Variants in RASA3 observed in about 807,000 individuals in gnomAD.
RASA3 encodes RAS p21 protein activator 3.
Under a neutral mutation model 110.0 loss-of-function variants are expected in RASA3, and 73 were observed. That is an observed-to-expected ratio of 0.66 (90% confidence interval 0.55 to 0.81). The LOEUF is 0.81. Ranked by LOEUF, RASA3 falls within the 30% of genes least tolerant of loss-of-function variation. RASA3 has a pLI of 0.00. For synonymous variants in RASA3, 500 were observed against 451.4 expected (o/e 1.11, Z -1.37); for missense variants, 976 against 1,113.2 (o/e 0.88, Z 1.75).
chr13:114,040,962 C>T, intron 4 of RASA3, 38 bp downstream of exon 4: 1 of 1,602,614 alleles, frequency 6.2e-7, no homozygotes, highest in East Asian at 2.2e-5. Flanking sequence ...CATGGTGTCC[C>T]AGGGCTCTGG....
intron 1 of RASA3, among the ~76,000 whole-genome samples, chr13:114,108,439 A>G (rs894764691): frequency 4.5e-5 from 1 of 22,396 alleles, no homozygotes; most frequent in Non-Finnish European, 8.0e-5. Flanking sequence ...TCCCCCATCC[A>G]TCACCCCCCG....
At chr13:114,052,992 T>TTG (rs1566531331) in intron 2 of RASA3, among the ~76,000 whole-genome samples, 1 of 133,608 alleles carries the variant, frequency 7.5e-6, no homozygotes, top group African/African-American at 3.0e-5. Context: ...CGTAGAGTCC[T>TTG]CGCTCCTGGG....
At chr13:114,018,034 C>T in intron 11 of RASA3, 70 bp downstream of exon 11, 1 of 1,416,482 alleles carries the variant, frequency 7.1e-7, no homozygotes, top group South Asian at 1.6e-5. Context: ...ACACGTGGTT[C>T]TCGGCGACGA....
intron 1 of RASA3, among the ~76,000 whole-genome samples, chr13:114,089,224 C>A (rs2079858734): frequency 6.7e-6 from 1 of 149,978 alleles, no homozygotes; most frequent in Non-Finnish European, 1.5e-5. Context: ...AAATAAGAGA[C>A]CAAGATGGCA....
chr13:114,044,609 C>CCT (rs2079022506), intron 3 of RASA3, among the ~76,000 whole-genome samples: 1 of 140,858 alleles, frequency 7.1e-6, no homozygotes, highest in South Asian at 2.5e-4. Context: ...TCTGTCCTCT[C>CCT]CTCTGACGAC....
chr13:114,114,169 C>G lies in RASA3; in HGVS notation c.55+18266G>C, dbSNP rs2080250799. The stretch of plus-strand genomic sequence containing the variant: ...CACCATGTCCATCAATCCACCCCAC[C>G]ACGGTGAGCGTCTGCGATGTCCGTG... On this transcript the variant is annotated intron_variant, in intron 1 of 23. Transcript: ENST00000334062. The surrounding 1 kb of genome is among the most constrained non-coding windows in gnomAD (Gnocchi z 4.8). Among the ~76,000 whole-genome samples, 1 of 152,218 alleles carries G rather than the reference C, an allele frequency of 6.6e-6. No individual in the cohort carries two copies. Among genetic ancestry groups the G allele is most frequent in the Admixed American group, 6.5e-5 (1 of 15,290 alleles).
chr13:114,079,859 G>A (rs1429382690), intron 1 of RASA3, among the ~76,000 whole-genome samples: 1 of 152,094 alleles, frequency 6.6e-6, no homozygotes, highest in Non-Finnish European at 1.5e-5. Context: ...CCCTCCGTGG[G>A]ACGAGGCTGC....
chr13:114,016,887 C>T (rs936337906), intron 12 of RASA3, among the ~76,000 whole-genome samples: 3 of 152,066 alleles, frequency 2.0e-5, no homozygotes, highest in Admixed American at 6.5e-5. Flanking sequence ...GAGGACTGGG[C>T]GTGCAGCTCA....
intron 1 of RASA3, among the ~76,000 whole-genome samples, chr13:114,128,888 C>T (rs1259716128): frequency 6.6e-6 from 1 of 152,046 alleles, no homozygotes; most frequent in African/African-American, 2.4e-5. Flanking sequence ...AGGGTCACCG[C>T]GGTGCGAGAG....
At chr13:114,004,487 T>A (rs2053471329) in intron 18 of RASA3, among the ~76,000 whole-genome samples, 1 of 151,746 alleles carries the variant, frequency 6.6e-6, no homozygotes, top group Non-Finnish European at 1.5e-5. Flanking sequence ...GCTCATCACC[T>A]GAGGAATGAG....
intron 4 of RASA3, among the ~76,000 whole-genome samples, chr13:114,039,564 C>T (rs2054353648): frequency 6.6e-6 from 1 of 152,234 alleles, no homozygotes; most frequent in Admixed American, 6.5e-5. Context: ...CCTCCCACGT[C>T]CCAGGGTTGG....
intron 1 of RASA3, among the ~76,000 whole-genome samples, chr13:114,132,194 C>A (rs528142824): frequency 3.7e-4 from 57 of 152,306 alleles, no homozygotes; most frequent in Non-Finnish European, 5.6e-4. Flanking sequence ...CCGCTCCGGG[C>A]GCAGAGGAGG....
chr13:114,039,411 G>A (rs867015170), intron 4 of RASA3, among the ~76,000 whole-genome samples: 3 of 151,860 alleles, frequency 2.0e-5, no homozygotes, highest in Admixed American at 6.6e-5. Context: ...TCCCAAGGGC[G>A]CTGTGCCACA....
rs1230610009 is a variant in RASA3 at position 114,114,296 on chromosome 13, C to T, written c.55+18139G>A. Reference sequence around the variant, plus strand: ...GTGCAAAACGAATTTCCTCCTGTCACACGCTAACTTTCTGTTCTGGATTTC... The same window carrying T: ...GTGCAAAACGAATTTCCTCCTGTCATACGCTAACTTTCTGTTCTGGATTTC... On this transcript the variant is annotated intron_variant, in intron 1 of 23. Coordinates refer to ENST00000334062, the MANE Select transcript of RASA3 (RefSeq NM_007368.4). This position sits in a 1 kb window ranked among gnomAD's most constrained non-coding sequence, Gnocchi z 4.8. Among the ~76,000 whole-genome samples, 1 of 152,230 alleles carries T rather than the reference C, an allele frequency of 6.6e-6. No homozygotes were observed. The highest frequency in any genetic ancestry group is 1.9e-4 in the East Asian group (1 of 5,204).
chr13:114,057,416 G>T lies in RASA3; in HGVS notation c.174-5261C>A, dbSNP rs1208354482. The T allele has an allele frequency of 2.0e-6, 2 of 985,252 alleles. No homozygotes were observed. Among genetic ancestry groups the T allele is most frequent in the Non-Finnish European group, 2.4e-6 (2 of 829,934 alleles). The allele number at this position is 985,252 out of a possible 1,614,324, so 61.0% of individuals were successfully genotyped here. On this transcript the variant is annotated intron_variant, in intron 2 of 23. Coordinates refer to ENST00000334062, the MANE Select transcript of RASA3 (RefSeq NM_007368.4). This position sits in a 1 kb window ranked among gnomAD's most constrained non-coding sequence, Gnocchi z 5.0. ...GTCCGGAGAGGCGGCCGTGCTACAG[G>T]CCTTGCACTCATTTTAATGAAGGCT...
rs1314472370 is a variant in RASA3 at position 114,132,504 on chromosome 13, CCCGCCGAG to C, written c.-23_-16del. ...TCCACCGCCATGCTGCGCGTCCGCGCCCGCCGAGCCTCGCCCCAAGCGCGCGCCGAGCC... is the reference window on the plus strand; with the variant it reads ...TCCACCGCCATGCTGCGCGTCCGCGCCCTCGCCCCAAGCGCGCGCCGAGCC... On this transcript the variant is annotated 5_prime_UTR_variant, in exon 1 of 24. Transcript: ENST00000334062. The C allele has an allele frequency of 1.6e-5, 24 of 1,476,758 alleles. No individual in the cohort carries two copies. The highest frequency in any genetic ancestry group is 2.1e-5 in the Non-Finnish European group (23 of 1,117,864). The allele number at this position is 1,476,758 out of a possible 1,614,324, so 91.5% of individuals were successfully genotyped here. A position where few individuals can be genotyped will look rare whatever the true frequency, so the allele number is the denominator to read the frequency against.
rs2079099326 is a variant in RASA3, at chr13:114,048,912, A to G, written c.277+3140T>C. 6.6e-6 allele frequency among the ~76,000 whole-genome samples: 1 copy of G among 151,348 alleles called. No homozygotes were observed. Among genetic ancestry groups the G allele is most frequent in the Non-Finnish European group, 1.5e-5 (1 of 67,922 alleles). ...GCTGAGGGCAGGCCTTTATTTCCCCAAGTCTCACTTGCCGGGGCGCCGTAT... is the reference window on the plus strand; with the variant it reads ...GCTGAGGGCAGGCCTTTATTTCCCCGAGTCTCACTTGCCGGGGCGCCGTAT... On this transcript the variant is annotated intron_variant, in intron 3 of 23. Coordinates refer to ENST00000334062, the MANE Select transcript of RASA3 (RefSeq NM_007368.4). This position sits in a 1 kb window ranked among gnomAD's most constrained non-coding sequence, Gnocchi z 4.3.
At chr13:114,042,511 G>A (rs2054433198) in intron 3 of RASA3, among the ~76,000 whole-genome samples, 1 of 152,258 alleles carries the variant, frequency 6.6e-6, no homozygotes, top group Non-Finnish European at 1.5e-5. Context: ...TCTTGGTCCA[G>A]TCACTGAAGT....
Position 114,048,660 on chromosome 13 carries a change from C to A in RASA3, c.277+3392G>T, listed in dbSNP as rs1449546491. Among the ~76,000 whole-genome samples, 1 of 152,206 alleles carries A rather than the reference C, an allele frequency of 6.6e-6. No homozygotes were observed. The highest frequency in any genetic ancestry group is 2.4e-5 in the African/African-American group (1 of 41,432). On this transcript the variant is annotated intron_variant, in intron 3 of 23. Transcript: ENST00000334062. The surrounding 1 kb of genome is among the most constrained non-coding windows in gnomAD (Gnocchi z 4.3). ...GGCCGCCTCCCTGCGCCTGGAATCC[C>A]GAAGGAGCCTGCGCCCCGTGTGTCC...
Sources: allele counts gnomAD v4.1 joint callset (sites outside exome capture counted in the v4.1 genomes callset), GRCh38; gene constraint gnomAD v4.1.1; non-coding constraint Gnocchi (gnomAD v3.1); transcripts MANE v1.5; gene names NCBI Gene and HGNC (gene_info 2026-07-23, HGNC 2026-07-21).